The following PDLIM1 variants were observed in gnomAD, a reference collection of about 807,000 sequenced individuals.
PDLIM1 encodes PDZ and LIM domain protein 1.
Under a neutral mutation model 35.2 loss-of-function variants are expected in PDLIM1, and 25 were observed. The observed-to-expected ratio is 0.71, with a 90% confidence interval of 0.52 to 0.99. The LOEUF is 0.99. Ranked by LOEUF, PDLIM1 falls within the 50% of genes least tolerant of loss-of-function variation. The probability of loss-of-function intolerance (pLI) is 0.00; values close to 1 mark genes in which losing one functional copy is unlikely to be tolerated. For missense variants in PDLIM1, 363 were observed against 415.3 expected (o/e 0.87, Z 1.09); for synonymous variants, 152 against 154.0 (o/e 0.99, Z 0.10).
intron 5 of PDLIM1, among the ~76,000 whole-genome samples, chr10:95,241,405 A>AC (rs917161012): frequency 1.3e-5 from 2 of 151,252 alleles, no homozygotes; most frequent in African/African-American, 4.9e-5. Context: ...GACCACAATT[A>AC]CCCCGCCCCT....
intron 1 of PDLIM1, among the ~76,000 whole-genome samples, chr10:95,281,684 G>A (rs955598730): frequency 2.0e-5 from 3 of 152,150 alleles, no homozygotes; most frequent in Non-Finnish European, 2.9e-5. Flanking sequence ...TAGAGATGGG[G>A]TCTCACTGTG....
Position 95,238,669 on chromosome 10 carries a change from G to A in PDLIM1, c.702C>T (p.Pro234=), listed in dbSNP as rs772039791. The A allele has an allele frequency of 1.9e-5, 31 of 1,611,736 alleles. No homozygotes were observed. The highest frequency in any genetic ancestry group is 3.3e-5 in the Admixed American group (2 of 60,004). The change falls in exon 6 of 7, where the codon CCC becomes CCT. Residue 234 remains proline, a synonymous_variant. Coordinates refer to ENST00000329399, the MANE Select transcript of PDLIM1 (RefSeq NM_020992.4). ...GAGCTTTAACACTTCTGAATCCTGAGGGCTTGTTGGGATCCCCTGAAATGA... is the reference window on the plus strand; with the variant it reads ...GAGCTTTAACACTTCTGAATCCTGAAGGCTTGTTGGGATCCCCTGAAATGA... ...ESEEKGDPNK[P]SGFRSVKAPV...
intron 4 of PDLIM1, among the ~76,000 whole-genome samples, chr10:95,252,911 C>A (rs1271904834): frequency 6.6e-6 from 1 of 151,808 alleles, no homozygotes; most frequent in Admixed American, 6.6e-5. Context: ...TATAAAAGAT[C>A]AAAAATTCAT....
intron 1 of PDLIM1, among the ~76,000 whole-genome samples, chr10:95,287,699 G>A (rs1404351611): frequency 1.3e-5 from 2 of 151,954 alleles, no homozygotes; most frequent in Non-Finnish European, 2.9e-5. Flanking sequence ...AAGGAAATGG[G>A]CAAGTGTTGA....
chr10:95,238,200 G>C (rs2035143735), intron 6 of PDLIM1, 89 bp from the exon 7 acceptor site: 4 of 1,180,400 alleles, frequency 3.4e-6, no homozygotes, highest in Non-Finnish European at 3.6e-6. Context: ...TCCTGAGCAG[G>C]GGCCTGGGGC....
At position 95,290,870 on chromosome 10, in the gene PDLIM1, A is replaced by G. The variant is rs2035647664; in HGVS notation, c.46T>C (p.Phe16Leu). The stretch of plus-strand genomic sequence containing the variant: ...AAGTCCTTGCCGCCCACGAGGCGGA[A>G]GCCCCACGGCCCCGGGCCCTGGAGG... ...IDLQGPGPWG[F>L]RLVGGKDFEQ... Residue 16 changes from phenylalanine to leucine, a missense_variant, in exon 1 of 7, where the codon TTC (phenylalanine) becomes CTC (leucine). Phe to Leu is a conservative substitution (Grantham distance 22, BLOSUM62 0). Transcript: ENST00000329399. The surrounding 1 kb of genome is among the most constrained non-coding windows in gnomAD (Gnocchi z 4.7). 1 of 1,565,362 alleles carries G rather than the reference A, an allele frequency of 6.4e-7. No homozygotes were observed. The highest frequency in any genetic ancestry group is 8.7e-7 in the Non-Finnish European group (1 of 1,155,648).
chr10:95,262,690 T>G (rs993396703), intron 4 of PDLIM1, among the ~76,000 whole-genome samples: 1 of 148,222 alleles, frequency 6.7e-6, no homozygotes, highest in African/African-American at 2.5e-5. Context: ...ATTCCTAACC[T>G]AGTCCACCCA....
At chr10:95,286,344 G>A (rs1203714833) in intron 1 of PDLIM1, among the ~76,000 whole-genome samples, 4 of 143,638 alleles carry the variant, frequency 2.8e-5, no homozygotes, top group Non-Finnish European at 4.6e-5. Context: ...GCAACAGAGC[G>A]ACACCCTGTC....
intron 1 of PDLIM1, among the ~76,000 whole-genome samples, chr10:95,278,918 C>G (rs1173855145): frequency 6.6e-6 from 1 of 152,214 alleles, no homozygotes; most frequent in South Asian, 2.1e-4. Flanking sequence ...GCAGGTCTTT[C>G]AGAAGGCAGT....
chr10:95,238,786 C>A, intron 5 of PDLIM1, 101 bp from the exon 6 acceptor site: 1 of 742,694 alleles, frequency 1.3e-6, no homozygotes, highest in South Asian at 1.6e-5. Flanking sequence ...CAAGCAAGGC[C>A]ATGGGAACTG....
chr10:95,268,190 C>T (rs1330124129), intron 3 of PDLIM1, among the ~76,000 whole-genome samples: 1 of 152,180 alleles, frequency 6.6e-6, no homozygotes, highest in Non-Finnish European at 1.5e-5. Flanking sequence ...CTGAGAAATT[C>T]TATCTGGGTG....
At chr10:95,258,884 A>T (rs1485994766) in intron 4 of PDLIM1, among the ~76,000 whole-genome samples, 1 of 152,202 alleles carries the variant, frequency 6.6e-6, no homozygotes, top group African/African-American at 2.4e-5. Flanking sequence ...TGATACATAA[A>T]CCTATCGATA....
At chr10:95,240,597 G>T (rs747370086) in intron 5 of PDLIM1, among the ~76,000 whole-genome samples, 5 of 152,142 alleles carry the variant, frequency 3.3e-5, no homozygotes, top group Non-Finnish European at 7.3e-5. Flanking sequence ...ACCATGGCAC[G>T]TCATTACCTA....
At chr10:95,248,289 G>C (rs569200732) in intron 4 of PDLIM1, among the ~76,000 whole-genome samples, 14 of 152,338 alleles carry the variant, frequency 9.2e-5, no homozygotes, top group African/African-American at 3.4e-4. Context: ...CTGTCACCCA[G>C]GCTGGAGTAC....
At chr10:95,239,919 T>C (rs2035162386) in intron 5 of PDLIM1, among the ~76,000 whole-genome samples, 1 of 151,968 alleles carries the variant, frequency 6.6e-6, no homozygotes, top group Non-Finnish European at 1.5e-5. Flanking sequence ...ATTAGAGAAA[T>C]ACAAATCAAA....
In PDLIM1 at chr10:95,290,830, G is replaced by C; in HGVS notation, c.86C>G (p.Ala29Gly). Residue 29 changes from alanine to glycine, a missense_variant, in exon 1 of 7, where the codon GCC (alanine) becomes GGC (glycine). By Grantham distance (60) the Ala-to-Gly change is moderately conservative. Transcript: ENST00000329399. This position sits in a 1 kb window ranked among gnomAD's most constrained non-coding sequence, Gnocchi z 4.7. ...CCCAGCTGCTCTTACCCGGGAAATG[G>C]CGAGAGGCTGCTCGAAGTCCTTGCC... ...VGGKDFEQPLAISRVTPGSKA... is the reference protein window; with the variant it reads ...VGGKDFEQPLGISRVTPGSKA... 6.4e-7 allele frequency: 1 copy of C among 1,561,632 alleles called. No individual in the cohort carries two copies. Among genetic ancestry groups the C allele is most frequent in the African/African-American group, 1.4e-5 (1 of 71,000 alleles).
intron 2 of PDLIM1, among the ~76,000 whole-genome samples, chr10:95,270,868 G>A (rs1038499642): frequency 3.4e-4 from 52 of 151,654 alleles, no homozygotes; most frequent in African/African-American, 1.2e-3. Flanking sequence ...CTCCTGCCTC[G>A]GCCTCCCGAG....
intron 4 of PDLIM1, among the ~76,000 whole-genome samples, chr10:95,251,352 T>G (rs2035266022): frequency 6.6e-6 from 1 of 152,008 alleles, no homozygotes; most frequent in South Asian, 2.1e-4. Context: ...GCAGGTGAAT[T>G]GCCTGAGCTC....
chr10:95,254,283 T>TA (rs2035292559), intron 4 of PDLIM1, among the ~76,000 whole-genome samples: 2 of 152,154 alleles, frequency 1.3e-5, no homozygotes, highest in South Asian at 4.1e-4. Context: ...GCTAAAAGTA[T>TA]AATGGTAGAG....
Sources: gnomAD v4.1 joint callset for allele counts (sites outside exome capture counted in the v4.1 genomes callset) on GRCh38, gnomAD v4.1.1 for gene constraint, Gnocchi (gnomAD v3.1) non-coding constraint, MANE v1.5 for transcripts, NCBI Gene and HGNC (gene_info 2026-07-23, HGNC 2026-07-21) for gene names.